MAP3K21: variants seen among roughly 807,000 people sequenced by gnomAD.
MAP3K21 encodes mitogen-activated protein kinase kinase kinase 21, also known as mitogen-activated protein kinase kinase kinase MLK4.
Under a neutral mutation model 86.1 loss-of-function variants are expected in MAP3K21, and 63 were observed. That is an observed-to-expected ratio of 0.73 (90% CI 0.60 to 0.90). The LOEUF (loss-of-function observed/expected upper bound fraction) is 0.90. Among genes scored for constraint, MAP3K21 ranks in the 40% least tolerant of loss-of-function variants. MAP3K21 has a pLI of 0.00. For missense variants in MAP3K21, 1,220 were observed against 1,367.7 expected (o/e 0.89, Z 1.70); for synonymous variants, 558 against 564.8 (o/e 0.99, Z 0.17).
chr1:233,353,545 C>A (rs146639936), intron 2 of MAP3K21, among the ~76,000 whole-genome samples: 1 of 152,134 alleles, frequency 6.6e-6, no homozygotes, highest in African/African-American at 2.4e-5. Context: ...ACTACTCTTA[C>A]GCTTTCCTAT....
At chr1:233,364,712 T>C (rs1663540375) in intron 5 of MAP3K21, among the ~76,000 whole-genome samples, 1 of 152,222 alleles carries the variant, frequency 6.6e-6, no homozygotes. Context: ...TATACAGCTT[T>C]TCTTTTCCTG....
intron 2 of MAP3K21, among the ~76,000 whole-genome samples, chr1:233,350,891 A>G (rs564952098): frequency 3.9e-5 from 6 of 152,308 alleles, no homozygotes; most frequent in East Asian, 1.9e-4. Context: ...TGTGTACTAT[A>G]CTTTAGAAGT....
At chr1:233,370,804 C>T (rs1413439605) in intron 5 of MAP3K21, among the ~76,000 whole-genome samples, 1 of 152,172 alleles carries the variant, frequency 6.6e-6, no homozygotes, top group African/African-American at 2.4e-5. Context: ...TGGTTGATGT[C>T]TAATATGGCA....
Position 233,328,715 on chromosome 1 carries a change from G to T in MAP3K21, c.687G>T (p.Ala229=). Residue 229 remains alanine (A), a synonymous_variant, in exon 1 of 10, where the codon GCG becomes GCT. Coordinates refer to ENST00000366624, the MANE Select transcript of MAP3K21 (RefSeq NM_032435.3). The surrounding 1 kb of genome is among the most constrained non-coding windows in gnomAD (Gnocchi z 8.7). ...PDPRAPGPRR[A]RRIPPHVLVN... ...CGCGCGCGCCCGGCCCCCGCCGCGC[G>T]CGCCGCATCCCTCCGCACGTGCTGG... The T allele has an allele frequency of 7.2e-7, 1 of 1,386,700 alleles. No individual in the cohort carries two copies. The highest frequency in any genetic ancestry group is 9.4e-7 in the Non-Finnish European group (1 of 1,062,890). 85.9% of individuals were successfully genotyped at this position (1,386,700 alleles called of 1,614,324 possible).
intron 2 of MAP3K21, among the ~76,000 whole-genome samples, chr1:233,350,120 T>C (rs1663220493): frequency 6.6e-6 from 1 of 152,208 alleles, no homozygotes; most frequent in African/African-American, 2.4e-5. Context: ...GCATATAGCC[T>C]GTGCACATCC....
In MAP3K21 at chr1:233,382,436, C is replaced by T. The variant is rs368238092; in HGVS notation, c.2836C>T (p.Arg946Cys). ...HSTVHIVPQR[R>C]PASLRSRSDL... is the part of the protein sequence containing the mutation. The stretch of plus-strand genomic sequence containing the variant: ...CACTGTCCACATCGTGCCTCAGCGT[C>T]GCCCTGCCTCCCTGAGAAGCCGCTC... Residue 946 changes from arginine to cysteine, a missense_variant, in exon 10 of 10, where the codon CGC (arginine) becomes TGC (cysteine). Arg to Cys is a radical substitution (Grantham distance 180). Around this residue, in one of 5 missense-constraint regions of MAP3K21, gnomAD observed 632 missense variants for 691.3 expected, o/e 0.91. Transcript: ENST00000366624. The T allele has an allele frequency of 4.2e-5, 67 of 1,614,158 alleles. No homozygotes were observed. Among genetic ancestry groups the T allele is most frequent in the African/African-American group, 2.5e-4 (19 of 75,038 alleles).
intron 5 of MAP3K21, among the ~76,000 whole-genome samples, chr1:233,364,538 T>C (rs919683231): frequency 1.3e-5 from 2 of 152,240 alleles, no homozygotes; most frequent in African/African-American, 4.8e-5. Context: ...TCCTCTTCAG[T>C]GGTAAAATGA....
intron 1 of MAP3K21, among the ~76,000 whole-genome samples, chr1:233,335,355 T>G (rs1196382296): frequency 1.3e-5 from 2 of 152,198 alleles, no homozygotes; most frequent in African/African-American, 4.8e-5. Context: ...TTTAACTAAA[T>G]AATAGTATTA....
At chr1:233,368,736 C>A (rs954486224) in intron 5 of MAP3K21, among the ~76,000 whole-genome samples, 13 of 152,202 alleles carry the variant, frequency 8.5e-5, no homozygotes, top group African/African-American at 2.6e-4. Flanking sequence ...TCTTCCAAAT[C>A]TCCTCCAGCC....
In MAP3K21 at chr1:233,376,424, T is replaced by C. The variant is rs1663798696; in HGVS notation, c.1827-6T>C. ...TCTTATGAAAAGAAACATTTTTCTCTTGTAGGATAAGACCTCTCTCCGATG... is the reference window on the plus strand; with the variant it reads ...TCTTATGAAAAGAAACATTTTTCTCCTGTAGGATAAGACCTCTCTCCGATG... On this transcript the variant is annotated splice_polypyrimidine_tract_variant and splice_region_variant and intron_variant, in intron 7 of 9. Transcript: ENST00000366624. 2 of 1,599,190 alleles carry C rather than the reference T, an allele frequency of 1.3e-6. No homozygotes were observed. Among genetic ancestry groups the C allele is most frequent in the Admixed American group, 1.7e-5 (1 of 59,744 alleles).
At position 233,372,102 on chromosome 1, in the gene MAP3K21, C is replaced by A. The variant is rs756604986; in HGVS notation, c.1617C>A (p.Ser539Arg). 12 of 1,614,024 alleles carry A rather than the reference C, an allele frequency of 7.4e-6. No homozygotes were observed. In the African/African-American group the frequency reaches 1.6e-4, roughly 22 times the overall value. The change falls in exon 6 of 10, where the codon AGC becomes AGA. Residue 539 changes from serine (S) to arginine (R), a missense_variant. Physicochemically the swap from Ser to Arg is moderately radical, Grantham distance 110. Around this residue, in one of 5 missense-constraint regions of MAP3K21, gnomAD observed 632 missense variants for 691.3 expected, o/e 0.91. Transcript: ENST00000366624. ...TGGACAAACGGCGGAGCCTGAACAG[C>A]AGCAGTTCCAGTCCCCCGAGCAGCC... Reference protein sequence around the residue: ...PNLDKRRSLNSSSSSPPSSPT... With the variant: ...PNLDKRRSLNRSSSSPPSSPT...
At chr1:233,346,765 A>C in intron 2 of MAP3K21, 143 bp downstream of exon 2, 2 of 716,758 alleles carry the variant, frequency 2.8e-6, no homozygotes, top group Non-Finnish European at 4.6e-6. Context: ...AAATAATTGT[A>C]ATGACAACGG....
chr1:233,350,986 A>G (rs1219305266), intron 2 of MAP3K21, among the ~76,000 whole-genome samples: 1 of 152,162 alleles, frequency 6.6e-6, no homozygotes, highest in Non-Finnish European at 1.5e-5. Context: ...GATCCATCCT[A>G]GATTATTCAT....
At chr1:233,366,313 T>C (rs974751883) in intron 5 of MAP3K21, among the ~76,000 whole-genome samples, 2 of 152,264 alleles carry the variant, frequency 1.3e-5, no homozygotes, top group African/African-American at 4.8e-5. Flanking sequence ...CTGTAATTTA[T>C]TGTATATTTT....
Position 233,328,606 on chromosome 1 carries a change from A to G in MAP3K21, c.578A>G (p.Gln193Arg). 4 of 1,505,912 alleles carry G rather than the reference A, an allele frequency of 2.7e-6. No individual in the cohort carries two copies. The highest frequency in any genetic ancestry group is 3.5e-6 in the Non-Finnish European group (4 of 1,135,650). 93.3% of individuals were successfully genotyped at this position (1,505,912 alleles called of 1,614,324 possible). The change falls in exon 1 of 10, where the codon CAG becomes CGG. Residue 193 changes from glutamine (Q) to arginine (R), a missense_variant. By Grantham distance (43) the Gln-to-Arg change is conservative. This residue lies in a region of MAP3K21 where 369 missense variants were observed against 385.3 expected (regional missense o/e 0.96). Coordinates refer to ENST00000366624, the MANE Select transcript of MAP3K21 (RefSeq NM_032435.3). This position sits in a 1 kb window ranked among gnomAD's most constrained non-coding sequence, Gnocchi z 8.7. The part of the protein sequence containing the change: ...IIELRGVCLQ[Q>R]PHLCLVLEFA... ...GAGCTGCGCGGCGTGTGCCTGCAGC[A>G]GCCGCACCTCTGCCTGGTGCTGGAG... is the stretch of plus-strand genomic sequence containing the variant.
rs1255373849 is a variant in MAP3K21, at chr1:233,332,989, G to A, written c.805+4156G>A. Among the ~76,000 whole-genome samples the A allele has an allele frequency of 8.1e-5, 6 of 74,488 alleles. No individual in the cohort carries two copies. In the Admixed American group the frequency reaches 8.5e-4, roughly 11 times the overall value. 48.9% of individuals were successfully genotyped at this position (74,488 alleles called of 152,430 possible). On this transcript the variant is annotated intron_variant, in intron 1 of 9. Transcript: ENST00000366624. ...TAGGAATAATTATTATCTATCTACA[G>A]TATTATTTACAACTACAATAGTTGT...
At chr1:233,351,475 A>G (rs1037685514) in intron 2 of MAP3K21, among the ~76,000 whole-genome samples, 1 of 152,070 alleles carries the variant, frequency 6.6e-6, no homozygotes, top group African/African-American at 2.4e-5. Flanking sequence ...GGTGGATCAC[A>G]AGGTCAGGAG....
At chr1:233,332,702 C>T (rs1294303) in intron 1 of MAP3K21, among the ~76,000 whole-genome samples, 121,546 of 152,178 alleles carry the variant, frequency 0.8, 48,710 homozygotes, top group East Asian at 0.99. Context: ...TAAGAATTCC[C>T]AAGGATGGTT....
chr1:233,356,589 C>T (rs1663363027), intron 4 of MAP3K21, among the ~76,000 whole-genome samples: 1 of 152,176 alleles, frequency 6.6e-6, no homozygotes, highest in South Asian at 2.1e-4. Flanking sequence ...TCCACTTCCG[C>T]TTACAGATTC....
Sources: allele counts gnomAD v4.1 joint callset (sites outside exome capture counted in the v4.1 genomes callset), GRCh38; gene constraint gnomAD v4.1.1; regional missense constraint gnomAD v4.1.1; non-coding constraint Gnocchi (gnomAD v3.1); transcripts MANE v1.5; gene names NCBI Gene and HGNC (gene_info 2026-07-23, HGNC 2026-07-21).